Variants in DUSP16 observed in about 807,000 individuals in gnomAD.
DUSP16 encodes the protein dual specificity phosphatase 16, also known as dual specificity protein phosphatase 16.
In DUSP16, 21 loss-of-function variants were observed where a neutral mutation model predicts 58.3. The observed-to-expected ratio is 0.36, with a 90% CI of 0.26 to 0.52. The LOEUF (loss-of-function observed/expected upper bound fraction) is 0.52, where lower values mean the gene tolerates loss of function less well. Ranked by LOEUF, DUSP16 falls within the 20% of genes least tolerant of loss-of-function variation. The pLI is 0.94. For missense variants in DUSP16, 726 were observed against 819.0 expected (o/e 0.89, Z 1.39); for synonymous variants, 320 against 323.8 (o/e 0.99, Z 0.12).
intron 3 of DUSP16, among the ~76,000 whole-genome samples, chr12:12,519,611 A>C (rs560154762): frequency 6.6e-6 from 1 of 152,316 alleles, no homozygotes; most frequent in East Asian, 1.9e-4. Context: ...TGGGTGTGCA[A>C]ATCTATGTGG....
At chr12:12,520,751 T>G (rs764645052) in intron 2 of DUSP16, 120 bp downstream of exon 2, 4 of 1,239,696 alleles carry the variant, frequency 3.2e-6, no homozygotes, top group Non-Finnish European at 4.4e-6. Flanking sequence ...CACCAAAATT[T>G]AAAAAGCAAC....
chr12:12,533,450 C>A (rs368866583), intron 1 of DUSP16, among the ~76,000 whole-genome samples: 20 of 152,336 alleles, frequency 1.3e-4, no homozygotes, highest in African/African-American at 4.3e-4. Flanking sequence ...CCGGACCACA[C>A]CTGCTTCCAA....
intron 3 of DUSP16, among the ~76,000 whole-genome samples, chr12:12,519,442 C>A (rs1413437384): frequency 6.6e-6 from 1 of 152,222 alleles, no homozygotes; most frequent in Non-Finnish European, 1.5e-5. Flanking sequence ...TCCGCTCCAA[C>A]TATAAATGTT....
chr12:12,514,076 T>C (rs1301187881), intron 3 of DUSP16, among the ~76,000 whole-genome samples: 1 of 152,230 alleles, frequency 6.6e-6, no homozygotes, highest in Non-Finnish European at 1.5e-5. Flanking sequence ...TTTTGAAGGA[T>C]AGTCTTTTAG....
At chr12:12,541,876 C>CTGTG (rs1944564785) in intron 1 of DUSP16, among the ~76,000 whole-genome samples, 1 of 151,198 alleles carries the variant, frequency 6.6e-6, no homozygotes, top group Non-Finnish European at 1.5e-5. Flanking sequence ...AAAATGTTCA[C>CTGTG]AGCAGATTTA....
chr12:12,542,619 C>T (rs1034306141), intron 1 of DUSP16, among the ~76,000 whole-genome samples: 1 of 151,454 alleles, frequency 6.6e-6, no homozygotes, highest in South Asian at 2.1e-4. Context: ...ACGAATTTTA[C>T]GACTGAAATT....
At chr12:12,508,432 CA>C (rs1260058914) in intron 3 of DUSP16, among the ~76,000 whole-genome samples, 1 of 152,156 alleles carries the variant, frequency 6.6e-6, no homozygotes, top group Non-Finnish European at 1.5e-5. Context: ...AGCCAAGCCA[CA>C]CAGGTTTGGT....
At chr12:12,555,036 A>G (rs1351338293) in intron 1 of DUSP16, among the ~76,000 whole-genome samples, 2 of 152,234 alleles carry the variant, frequency 1.3e-5, no homozygotes, top group East Asian at 3.8e-4. Flanking sequence ...CCAAGCAACA[A>G]CAACAAATAA....
intron 3 of DUSP16, among the ~76,000 whole-genome samples, chr12:12,500,905 A>AGAGAGG (rs1943899084): frequency 6.6e-6 from 1 of 152,170 alleles, no homozygotes; most frequent in African/African-American, 2.4e-5. Flanking sequence ...AGGCACTTAT[A>AGAGAGG]ATGAATGACT....
At chr12:12,550,976 T>C (rs1024143724) in intron 1 of DUSP16, among the ~76,000 whole-genome samples, 1 of 152,136 alleles carries the variant, frequency 6.6e-6, no homozygotes, top group Non-Finnish European at 1.5e-5. Context: ...TCTTGAGAAC[T>C]TGGCCTTTTT....
intron 6 of DUSP16, among the ~76,000 whole-genome samples, chr12:12,479,198 G>A (rs899189014): frequency 1.3e-5 from 2 of 151,986 alleles, no homozygotes; most frequent in African/African-American, 4.8e-5. Context: ...TTCTTCAGCG[G>A]CCCCTGCACC....
intron 5 of DUSP16, among the ~76,000 whole-genome samples, chr12:12,482,761 C>T (rs2136192136): frequency 6.6e-6 from 1 of 152,326 alleles, no homozygotes; most frequent in Non-Finnish European, 1.5e-5. Context: ...TTCATCCAGG[C>T]TGGAGTGCCA....
At chr12:12,549,270 T>C (rs970264858) in intron 1 of DUSP16, among the ~76,000 whole-genome samples, 1 of 152,090 alleles carries the variant, frequency 6.6e-6, no homozygotes, top group Admixed American at 6.6e-5. Flanking sequence ...TACTGGTAAG[T>C]TGCTAAAAGG....
intron 3 of DUSP16, among the ~76,000 whole-genome samples, chr12:12,502,001 T>C (rs1453526841): frequency 6.6e-6 from 1 of 150,916 alleles, no homozygotes; most frequent in African/African-American, 2.4e-5. Flanking sequence ...AAAACAAAAA[T>C]AAAAATAAAA....
At chr12:12,499,245 C>G (rs1943875295) in intron 4 of DUSP16, among the ~76,000 whole-genome samples, 1 of 152,144 alleles carries the variant, frequency 6.6e-6, no homozygotes, top group African/African-American at 2.4e-5. Flanking sequence ...TAAACCAGCT[C>G]CAGCTTTGCC....
Position 12,562,388 on chromosome 12 carries a change from T to G in DUSP16, c.-637A>C, listed in dbSNP as rs1592221487. The stretch of plus-strand genomic sequence containing the variant: ...TTTCTTCACTCTTTCTCTTCCACCC[T>G]CCCCCCCATCAGCCTTCAAAAAAAA... On this transcript the variant is annotated 5_prime_UTR_variant, in exon 1 of 7. Transcript: ENST00000298573. 7.3e-6 allele frequency: 1 copy of G among 136,502 alleles called. No individual in the cohort carries two copies. The highest frequency in any genetic ancestry group is 2.3e-4 in the South Asian group (1 of 4,268). The allele number at this position is 136,502 out of a possible 1,614,324, so 8.5% of individuals were successfully genotyped here.
At chr12:12,484,299 CAAAT>C (rs1943636528) in intron 5 of DUSP16, among the ~76,000 whole-genome samples, 2 of 152,112 alleles carry the variant, frequency 1.3e-5, no homozygotes, top group South Asian at 4.1e-4. Context: ...GCAGATATTA[CAAAT>C]AAATTATAAT....
chr12:12,493,544 C>A (rs10845559), intron 4 of DUSP16, among the ~76,000 whole-genome samples: 68,711 of 152,026 alleles, frequency 0.45, 16,121 homozygotes, highest in East Asian at 0.7. Flanking sequence ...TCCCGTCTTT[C>A]CAAGTCCTAT....
In DUSP16 at chr12:12,512,219, G is replaced by C. The variant is rs545192809; in HGVS notation, c.367+7643C>G. Among the ~76,000 whole-genome samples, 51 of 152,258 alleles carry C rather than the reference G, an allele frequency of 3.3e-4. 1 individual carries two copies. Among genetic ancestry groups the C allele is most frequent in the African/African-American group, 1.2e-3 (50 of 41,552 alleles). Reference sequence around the variant, plus strand: ...CACCTTTTTCCCCAGCTTTATTGAAGTATGATTAACAAACAAAAATTTTAT... The same window carrying C: ...CACCTTTTTCCCCAGCTTTATTGAACTATGATTAACAAACAAAAATTTTAT... On this transcript the variant is annotated intron_variant, in intron 3 of 6. Transcript: ENST00000298573.
Sources: gnomAD v4.1 joint callset for allele counts (sites outside exome capture counted in the v4.1 genomes callset) on GRCh38, gnomAD v4.1.1 for gene constraint, MANE v1.5 for transcripts, NCBI Gene and HGNC (gene_info 2026-07-23, HGNC 2026-07-21) for gene names.